The following USP39 variants were observed in gnomAD, a reference collection of about 807,000 sequenced individuals.
USP39 encodes the protein ubiquitin specific peptidase 39.
A neutral mutation model predicts 66.4 loss-of-function variants in USP39; 38 were observed. The ratio of observed to expected loss-of-function variants is 0.57; its 90% CI spans 0.44 to 0.75. USP39 has a LOEUF of 0.75. Among genes scored for constraint, USP39 ranks in the 30% least tolerant of loss-of-function variants. The pLI, the probability that USP39 is intolerant of heterozygous loss-of-function variation, is 0.00. For missense variants in USP39, 608 were observed against 714.4 expected (o/e 0.85, Z 1.70); for synonymous variants, 303 against 274.6 (o/e 1.10, Z -1.02).
chr2:85,630,973 G>A (rs777092774), intron 6 of USP39, 27 bp downstream of exon 6: 203 of 1,599,686 alleles, frequency 1.3e-4, no homozygotes, highest in Middle Eastern at 1.7e-4. Context: ...CATGTTTCAG[G>A]ACAACAAAAC....
intron 5 of USP39, among the ~76,000 whole-genome samples, chr2:85,626,104 A>G (rs767926392): frequency 2.0e-5 from 3 of 152,034 alleles, no homozygotes; most frequent in Non-Finnish European, 4.4e-5. Flanking sequence ...TCATACCTGT[A>G]ATCCCAGCAC....
chr2:85,633,537 A>G (rs575724937), intron 6 of USP39, among the ~76,000 whole-genome samples: 5 of 152,290 alleles, frequency 3.3e-5, no homozygotes, highest in African/African-American at 4.8e-5. Context: ...TGGGAGATCA[A>G]GGTGGGTGGA....
At chr2:85,617,829 T>TAGTC (rs1674113202) in intron 1 of USP39, among the ~76,000 whole-genome samples, 1 of 152,212 alleles carries the variant, frequency 6.6e-6, no homozygotes, top group Admixed American at 6.5e-5. Context: ...TCAGGCCAGG[T>TAGTC]AGTCACATGC....
chr2:85,642,734 T>C (rs1350979775), intron 10 of USP39, among the ~76,000 whole-genome samples: 1 of 152,230 alleles, frequency 6.6e-6, no homozygotes, highest in East Asian at 1.9e-4. Context: ...TCCATACTTC[T>C]TGAAAAGGAT....
At chr2:85,643,902 C>G (rs1676442643) in intron 10 of USP39, among the ~76,000 whole-genome samples, 1 of 152,108 alleles carries the variant, frequency 6.6e-6, no homozygotes, top group Non-Finnish European at 1.5e-5. Flanking sequence ...GTCTGCCCGC[C>G]TCGGCCTCCC....
At chr2:85,617,691 G>T (rs181137278) in intron 1 of USP39, among the ~76,000 whole-genome samples, 1 of 152,144 alleles carries the variant, frequency 6.6e-6, no homozygotes, top group East Asian at 1.9e-4. Context: ...CACGGGGTTC[G>T]TCTCCTGTAA....
upstream of USP39, chr2:85,611,850 G>A (rs771492705): frequency 2.5e-6 from 4 of 1,598,922 alleles, no homozygotes; most frequent in Non-Finnish European, 1.7e-6. Flanking sequence ...AGGAGTGGTG[G>A]CGGCGGCGGC....
chr2:85,640,990 C>G lies in USP39; in HGVS notation c.1299C>G (p.Tyr433Ter). 1.2e-6 allele frequency: 2 copies of G among 1,611,524 alleles called. No homozygotes were observed. Among genetic ancestry groups the G allele is most frequent in the Non-Finnish European group, 1.7e-6 (2 of 1,179,486 alleles). The change falls in exon 10 of 13, where the codon TAC (tyrosine) becomes TAG (stop). Residue 433 changes from tyrosine (Y) to a stop codon, truncating the protein, a stop_gained. Coordinates refer to ENST00000323701, the MANE Select transcript of USP39 (RefSeq NM_006590.4). LOFTEE classifies it high-confidence loss of function. ...TCTTTCTCTAGGAATATAAGACTTA[C>G]AAGGAGAACTTTCTGAAGCGCTTCC... is the stretch of plus-strand genomic sequence containing the variant. Reference protein sequence around the residue: ...NGITEKEYKTYKENFLKRFQL... With the variant: ...NGITEKEYKT
At chr2:85,616,512 T>C (rs755947080) in intron 1 of USP39, 49 bp downstream of exon 1, 3 of 1,159,394 alleles carry the variant, frequency 2.6e-6, no homozygotes, top group Non-Finnish European at 3.3e-6. Context: ...TTTTTTCGCG[T>C]CCTTTTTTCT....
intron 6 of USP39, among the ~76,000 whole-genome samples, chr2:85,634,010 T>C (rs1675573538): frequency 6.7e-6 from 1 of 150,362 alleles, no homozygotes; most frequent in African/African-American, 2.4e-5. Context: ...GCTAATTTTT[T>C]GTATTTTTAG....
chr2:85,615,655 G>A (rs965737219), upstream of USP39, among the ~76,000 whole-genome samples: 1 of 151,940 alleles, frequency 6.6e-6, no homozygotes, highest in Non-Finnish European at 1.5e-5. Flanking sequence ...TTTTTGAGAC[G>A]GAGTTTCGCT....
At chr2:85,611,068 C>G (rs1214316299), upstream of USP39, 2 of 204,536 alleles carry the variant, frequency 9.8e-6, no homozygotes, top group Non-Finnish European at 1.8e-5. Context: ...CGGGGAAACC[C>G]CTTCTCTACA....
At chr2:85,612,408 C>T (rs949542011), upstream of USP39, 6 of 1,500,468 alleles carry the variant, frequency 4.0e-6, no homozygotes, top group African/African-American at 8.3e-5. Flanking sequence ...CTTTGGCTGA[C>T]TGTGTAACGC....
At chr2:85,628,694 C>T (rs1029028531) in intron 5 of USP39, among the ~76,000 whole-genome samples, 4 of 152,160 alleles carry the variant, frequency 2.6e-5, no homozygotes, top group African/African-American at 9.7e-5. Flanking sequence ...CAGAGTGCAA[C>T]CTTTTCTCCA....
chr2:85,629,358 G>T (rs933556251), intron 5 of USP39, among the ~76,000 whole-genome samples: 1 of 151,854 alleles, frequency 6.6e-6, no homozygotes, highest in African/African-American at 2.4e-5. Context: ...ATCGCGCCTA[G>T]ACCCCTCCTC....
At chr2:85,637,526 C>A in intron 8 of USP39, 90 bp downstream of exon 8, 6 of 1,392,836 alleles carry the variant, frequency 4.3e-6, no homozygotes, top group Non-Finnish European at 6.1e-6. Flanking sequence ...ACTGACAAGC[C>A]TGCTTGCCCT....
intron 5 of USP39, among the ~76,000 whole-genome samples, chr2:85,629,499 C>CTT (rs768604575): frequency 2.2e-5 from 3 of 138,188 alleles, no homozygotes; most frequent in Non-Finnish European, 3.2e-5. Context: ...TTCTCTTTCT[C>CTT]TTTTTTTTTT....
At chr2:85,621,238 G>T (rs1384518602) in intron 2 of USP39, 4 of 385,146 alleles carry the variant, frequency 1.0e-5, no homozygotes, top group Non-Finnish European at 1.9e-5. Flanking sequence ...GTCCTGAACT[G>T]GTTACAAACA....
chr2:85,640,599 C>T (rs1206367945), intron 9 of USP39, among the ~76,000 whole-genome samples: 1 of 142,524 alleles, frequency 7.0e-6, no homozygotes. Context: ...AGTTTTCTTT[C>T]TTTACATATA....
Sources: gnomAD v4.1 joint callset for allele counts (sites outside exome capture counted in the v4.1 genomes callset) on GRCh38, gnomAD v4.1.1 for gene constraint, MANE v1.5 for transcripts, NCBI Gene and HGNC (gene_info 2026-07-23, HGNC 2026-07-21) for gene names.